SOD2: variants seen among roughly 807,000 people sequenced by gnomAD.
SOD2 encodes superoxide dismutase 2.
Under a neutral mutation model 27.0 loss-of-function variants are expected in SOD2, and 11 were observed. The ratio of observed to expected loss-of-function variants is 0.41; its 90% CI spans 0.26 to 0.67. The LOEUF (loss-of-function observed/expected upper bound fraction) is 0.67. SOD2 is among the 30% of genes least tolerant of loss of function. SOD2 has a pLI of 0.34. For missense variants in SOD2, 250 were observed against 274.5 expected, an observed-to-expected ratio of 0.91 and a Z score of 0.63; for synonymous variants, 105 against 103.0, an observed-to-expected ratio of 1.02 and a Z score of -0.12.
chr6:159,670,537 A>G lies in SOD2; in HGVS notation c.*11956T>C, dbSNP rs1189176831. ...GCCTTCTGTAAATGACGATTTAATA[A>G]TATCAATATCCATTTATCCTCTATA... On this transcript the variant is annotated 3_prime_UTR_variant, in exon 5 of 5. Coordinates refer to ENST00000538183, the MANE Select transcript of SOD2 (RefSeq NM_000636.4). 1.3e-5 allele frequency: 2 copies of G among 152,228 alleles called. No homozygotes were observed. The highest frequency in any genetic ancestry group is 2.4e-5 in the African/African-American group (1 of 41,458). 9.4% of individuals were successfully genotyped at this position (152,228 alleles called of 1,614,324 possible). A position where few individuals can be genotyped will look rare whatever the true frequency, so the allele number is the denominator to read the frequency against.
chr6:159,692,904 G>A (rs1455806960), intron 1 of SOD2, 41 bp from the exon 2 acceptor site: 1 of 1,519,332 alleles, frequency 6.6e-7, no homozygotes, highest in African/African-American at 1.4e-5. Flanking sequence ...CAGCGCCGCG[G>A]GACCGTCTAC....
chr6:159,761,121 T>G (rs988129678), exon 1 of SOD2: 5 of 160,454 alleles, frequency 3.1e-5, no homozygotes, highest in African/African-American at 9.6e-5. Context: ...TTCAATCAAC[T>G]TTAAAGTTCT....
chr6:159,693,146 C>G lies in SOD2; in HGVS notation c.22G>C (p.Gly8Arg). 6.5e-7 allele frequency: 1 copy of G among 1,534,270 alleles called. No individual in the cohort carries two copies. Among genetic ancestry groups the G allele is most frequent in the Non-Finnish European group, 8.8e-7 (1 of 1,140,358 alleles). MLSRAVC[G>R]TSRQLAPVLG... ...TGACCGGGTCCCCTTTCTTCTCACC[C>G]GCACACTGCCCGGCTCAACATGCTG... Residue 8 changes from glycine to arginine, a missense_variant and splice_region_variant, in exon 1 of 5, where the codon GGC becomes CGC. Transcript: ENST00000538183.
chr6:159,694,982 A>C (rs1777394054), upstream of SOD2, among the ~76,000 whole-genome samples: 1 of 152,116 alleles, frequency 6.6e-6, no homozygotes, highest in South Asian at 2.1e-4. Context: ...ATTTCTGCTG[A>C]GGTGAGACAC....
At chr6:159,716,237 C>T (rs762696134) in intron 1 of SOD2, among the ~76,000 whole-genome samples, 28 of 152,184 alleles carry the variant, frequency 1.8e-4, no homozygotes, top group Non-Finnish European at 4.0e-4. Flanking sequence ...AAGGACATAT[C>T]TGTTTTACCT....
At chr6:159,695,678 T>C (rs1387387295), upstream of SOD2, among the ~76,000 whole-genome samples, 1 of 152,090 alleles carries the variant, frequency 6.6e-6, no homozygotes, top group Non-Finnish European at 1.5e-5. Context: ...TTATTTTTTG[T>C]AGAAACAGAG....
intron 1 of SOD2, chr6:159,755,476 A>T (rs752013744): frequency 1.1e-5 from 17 of 1,614,086 alleles, no homozygotes; most frequent in Non-Finnish European, 1.4e-5. Context: ...TCACACACCA[A>T]TCAAATGACA....
chr6:159,687,299 A>T (rs559902752), intron 3 of SOD2, among the ~76,000 whole-genome samples: 6 of 152,242 alleles, frequency 3.9e-5, no homozygotes, highest in Admixed American at 1.3e-4. Flanking sequence ...AGCCCCGCCA[A>T]CATGGTGAAA....
chr6:159,683,155 G>T (rs989807163), intron 4 of SOD2, among the ~76,000 whole-genome samples: 2 of 152,178 alleles, frequency 1.3e-5, no homozygotes, highest in African/African-American at 4.8e-5. Flanking sequence ...TGAGGTAAAT[G>T]AAGAATTTAG....
intron 1 of SOD2, among the ~76,000 whole-genome samples, chr6:159,699,091 C>T (rs1452632284): frequency 6.6e-6 from 1 of 152,146 alleles, no homozygotes; most frequent in South Asian, 2.1e-4. Context: ...ATTTTTCACA[C>T]CCAAAAGAAT....
chr6:159,721,647 A>AT (rs1403146402), intron 1 of SOD2, among the ~76,000 whole-genome samples: 5 of 135,412 alleles, frequency 3.7e-5, no homozygotes, highest in Non-Finnish European at 7.8e-5. Context: ...GGATTACAGG[A>AT]TTACAGGCAT....
chr6:159,712,977 C>T (rs1300879047), intron 1 of SOD2: 7 of 619,818 alleles, frequency 1.1e-5, no homozygotes, highest in Admixed American at 2.6e-5. Flanking sequence ...ATAGCTGCCA[C>T]TGCATCTTCG....
chr6:159,688,028 A>AC (rs1437035264), intron 3 of SOD2, 98 bp downstream of exon 3: 14 of 783,524 alleles, frequency 1.8e-5, no homozygotes, highest in Middle Eastern at 4.8e-4. Context: ...AACAACAACA[A>AC]AAAAAACAAA....
chr6:159,695,566 C>T (rs373977675), upstream of SOD2, among the ~76,000 whole-genome samples: 93 of 152,264 alleles, frequency 6.1e-4, no homozygotes, highest in African/African-American at 2.0e-3. Context: ...GGCGTGATCA[C>T]GGCTGATTGC....
At chr6:159,694,276 T>C (rs1055114698), upstream of SOD2, among the ~76,000 whole-genome samples, 2 of 151,054 alleles carry the variant, frequency 1.3e-5, no homozygotes, top group Middle Eastern at 3.4e-3. Flanking sequence ...GAATCTTCCA[T>C]GTGTAGAGGT....
At chr6:159,725,652 CT>C (rs1562444757) in intron 1 of SOD2, 1 of 151,846 alleles carries the variant, frequency 6.6e-6, no homozygotes, top group Non-Finnish European at 1.5e-5. Flanking sequence ...ACAGAGAAAT[CT>C]TGTCTCCACC....
chr6:159,722,535 A>G (rs1778062048), intron 1 of SOD2, among the ~76,000 whole-genome samples: 1 of 152,146 alleles, frequency 6.6e-6, no homozygotes, highest in African/African-American at 2.4e-5. Context: ...TGTACTAGAG[A>G]GTAGACTTTT....
upstream of SOD2, among the ~76,000 whole-genome samples, chr6:159,727,866 G>A (rs1009467673): frequency 1.3e-5 from 2 of 152,336 alleles, no homozygotes; most frequent in South Asian, 4.1e-4. Context: ...TCCCGCCTGC[G>A]GGGAACACTT....
chr6:159,715,778 T>C (rs1305728107), intron 1 of SOD2, among the ~76,000 whole-genome samples: 4 of 152,156 alleles, frequency 2.6e-5, no homozygotes, highest in South Asian at 2.1e-4. Flanking sequence ...TTCACACCTG[T>C]AGTCCCAGCT....
Sources: allele counts gnomAD v4.1 joint callset (sites outside exome capture counted in the v4.1 genomes callset), GRCh38; gene constraint gnomAD v4.1.1; transcripts MANE v1.5; gene names NCBI Gene and HGNC (gene_info 2026-07-23, HGNC 2026-07-21).